The following ASIC2 variants were observed in gnomAD, a reference collection of about 807,000 sequenced individuals.
ASIC2 encodes the protein acid-sensing ion channel 2.
In ASIC2, 25 loss-of-function variants were observed where a neutral mutation model predicts 57.3. The observed-to-expected ratio is 0.44, with a 90% CI of 0.32 to 0.61. The LOEUF (loss-of-function observed/expected upper bound fraction) is 0.61. ASIC2 is among the 20% of genes least tolerant of loss of function. The probability of loss-of-function intolerance (pLI) is 0.06; values close to 1 mark genes in which losing one functional copy is unlikely to be tolerated. For synonymous variants in ASIC2, 319 were observed against 307.5 expected (o/e 1.04, Z -0.39); for missense variants, 641 against 738.1 (o/e 0.87, Z 1.52).
intron 1 of ASIC2, among the ~76,000 whole-genome samples, chr17:33,252,799 G>T (rs1197108280): frequency 6.6e-6 from 1 of 151,996 alleles, no homozygotes; most frequent in Non-Finnish European, 1.5e-5. Flanking sequence ...CCTCATCCAA[G>T]AACTTGGCTT....
intron 1 of ASIC2, among the ~76,000 whole-genome samples, chr17:33,229,016 G>C (rs932967024): frequency 1.3e-5 from 2 of 152,220 alleles, no homozygotes; most frequent in Non-Finnish European, 2.9e-5. Flanking sequence ...CAGAGACTGA[G>C]AAGTTTCATC....
At chr17:33,576,233 G>A (rs1252274030) in intron 1 of ASIC2, among the ~76,000 whole-genome samples, 2 of 152,086 alleles carry the variant, frequency 1.3e-5, no homozygotes, top group East Asian at 3.9e-4. Context: ...CCTTGCACTT[G>A]TGCCTCTGTG....
At chr17:33,446,748 A>T (rs1912035905) in intron 1 of ASIC2, among the ~76,000 whole-genome samples, 1 of 152,222 alleles carries the variant, frequency 6.6e-6, no homozygotes. Flanking sequence ...TAGGTGTGCA[A>T]TAAATGAATG....
At chr17:33,428,733 C>T (rs1040003332) in intron 1 of ASIC2, among the ~76,000 whole-genome samples, 7 of 152,296 alleles carry the variant, frequency 4.6e-5, no homozygotes, top group Admixed American at 1.3e-4. Context: ...TGCCGGATGC[C>T]CACTTCTCCA....
intron 1 of ASIC2, among the ~76,000 whole-genome samples, chr17:33,275,140 C>T (rs922897937): frequency 3.3e-5 from 5 of 152,114 alleles, no homozygotes; most frequent in African/African-American, 7.2e-5. Context: ...AATTATCCAA[C>T]GTATTAGCAA....
intron 1 of ASIC2, among the ~76,000 whole-genome samples, chr17:33,333,403 T>C (rs943305243): frequency 1.3e-5 from 2 of 152,182 alleles, no homozygotes; most frequent in Non-Finnish European, 2.9e-5. Flanking sequence ...CATGCACCCA[T>C]TCAAAATAAC....
intron 1 of ASIC2, among the ~76,000 whole-genome samples, chr17:33,718,644 C>T (rs890853321): frequency 2.6e-5 from 4 of 152,146 alleles, no homozygotes; most frequent in African/African-American, 9.7e-5. Context: ...TTGCTCCCAC[C>T]TTCCTAACAT....
In ASIC2 at chr17:33,862,109, A is replaced by G. The variant is rs181858755; in HGVS notation, c.555+293869T>C. ...CCTTCACCCAGTATACTGTTCCTGTATTCTCTGCCTTGCAAGAGCAAGAGG... is the reference window on the plus strand; with the variant it reads ...CCTTCACCCAGTATACTGTTCCTGTGTTCTCTGCCTTGCAAGAGCAAGAGG... On this transcript the variant is annotated intron_variant, in intron 1 of 9. Transcript: ENST00000359872. Among the ~76,000 whole-genome samples, 580 of 152,310 alleles carry G rather than the reference A, an allele frequency of 3.8e-3. 5 individuals are homozygous for G. Among genetic ancestry groups the G allele is most frequent in the African/African-American group, 0.013 (533 of 41,568 alleles).
chr17:33,965,622 G>A (rs1354877085), intron 1 of ASIC2, among the ~76,000 whole-genome samples: 1 of 152,148 alleles, frequency 6.6e-6, no homozygotes, highest in Non-Finnish European at 1.5e-5. Flanking sequence ...CGTGAAATAG[G>A]TACTCTTTTT....
rs146048662 is a variant in ASIC2, at chr17:33,859,327, C to T, written c.555+296651G>A. ...ATAAAATTGATTCCAATATCAACTG[C>T]TTAGTAGGCATTCAACAAAGATTTG... On this transcript the variant is annotated intron_variant, in intron 1 of 9. Transcript: ENST00000359872. Among the ~76,000 whole-genome samples the T allele has an allele frequency of 1.3e-3, 196 of 152,178 alleles. 1 individual carries two copies. The highest frequency in any genetic ancestry group is 4.0e-3 in the Admixed American group (61 of 15,290).
intron 1 of ASIC2, among the ~76,000 whole-genome samples, chr17:33,210,307 G>A (rs998147856): frequency 1.6e-4 from 25 of 152,182 alleles, no homozygotes; most frequent in African/African-American, 5.3e-4. Flanking sequence ...AATATGAGCC[G>A]CCTCTGAGCT....
At chr17:34,072,971 A>G (rs546093626) in intron 1 of ASIC2, among the ~76,000 whole-genome samples, 14 of 152,346 alleles carry the variant, frequency 9.2e-5, no homozygotes, top group African/African-American at 3.4e-4. Flanking sequence ...ACATAGAGTC[A>G]ATGAGAAAAA....
At chr17:33,050,908 A>G (rs1037139637) in intron 3 of ASIC2, among the ~76,000 whole-genome samples, 2 of 152,078 alleles carry the variant, frequency 1.3e-5, no homozygotes, top group African/African-American at 2.4e-5. Context: ...GGTAGGTACT[A>G]TTGTTATCCC....
intron 3 of ASIC2, among the ~76,000 whole-genome samples, chr17:33,050,092 C>T (rs562950868): frequency 6.6e-6 from 1 of 152,286 alleles, no homozygotes; most frequent in South Asian, 2.1e-4. Context: ...AAGACCTCAA[C>T]GGAAGACCTG....
chr17:33,852,226 G>A (rs142925546), intron 1 of ASIC2, among the ~76,000 whole-genome samples: 3 of 152,238 alleles, frequency 2.0e-5, no homozygotes, highest in Non-Finnish European at 4.4e-5. Flanking sequence ...TGAGAGCAAT[G>A]AGGCCTTTTA....
At chr17:33,383,992 C>T (rs1244963332) in intron 1 of ASIC2, among the ~76,000 whole-genome samples, 1 of 152,108 alleles carries the variant, frequency 6.6e-6, no homozygotes, top group Admixed American at 6.5e-5. Context: ...GGAGTGGAAG[C>T]TAAGCATGCA....
chr17:33,550,498 T>C (rs927571859), intron 1 of ASIC2, among the ~76,000 whole-genome samples: 3 of 152,242 alleles, frequency 2.0e-5, no homozygotes, highest in East Asian at 1.9e-4. Context: ...GGATAGCTCT[T>C]GTTTACATTC....
chr17:33,064,054 C>T (rs1238214437), intron 3 of ASIC2, among the ~76,000 whole-genome samples: 1 of 152,130 alleles, frequency 6.6e-6, no homozygotes, highest in Non-Finnish European at 1.5e-5. Context: ...TCTAGTTAGC[C>T]AGTTGTCTAG....
At chr17:34,065,408 T>C (rs1214753785) in intron 1 of ASIC2, among the ~76,000 whole-genome samples, 1 of 152,190 alleles carries the variant, frequency 6.6e-6, no homozygotes, top group Non-Finnish European at 1.5e-5. Flanking sequence ...TGGTGCAGTG[T>C]ATACTGCTCG....
Sources: allele counts gnomAD v4.1 joint callset (sites outside exome capture counted in the v4.1 genomes callset), GRCh38; gene constraint gnomAD v4.1.1; transcripts MANE v1.5; gene names NCBI Gene and HGNC (gene_info 2026-07-23, HGNC 2026-07-21).